Variants in ZNF208 observed in about 807,000 individuals in gnomAD.
ZNF208 encodes the protein zinc finger protein 95.
In ZNF208, 10 loss-of-function variants were observed where a neutral mutation model predicts 12.1. The observed-to-expected ratio is 0.83, with a 90% CI of 0.51 to 1.40. The LOEUF (loss-of-function observed/expected upper bound fraction) is 1.40. Ranked by LOEUF, ZNF208 falls within the 40% of genes most tolerant of loss-of-function variation. ZNF208 has a pLI of 0.00. For missense variants in ZNF208, 1,652 were observed against 1,485.0 expected (o/e 1.11, Z -1.85); for synonymous variants, 497 against 488.4 (o/e 1.02, Z -0.23).
At chr19:21,958,154 G>A (rs1970006523) in intron 4 of ZNF208, among the ~76,000 whole-genome samples, 2 of 147,102 alleles carry the variant, frequency 1.4e-5, no homozygotes, top group Admixed American at 1.4e-4. Context: ...CCTTAAAGAA[G>A]GAATTTTGTG....
chr19:21,980,612 C>G (rs1970520647), intron 3 of ZNF208, among the ~76,000 whole-genome samples: 1 of 151,988 alleles, frequency 6.6e-6, no homozygotes, highest in African/African-American at 2.4e-5. Context: ...CAAAAGAAAG[C>G]AAGACAGATC....
Position 21,953,334 on chromosome 19 carries a change from G to A in ZNF208, c.306-20097C>T, listed in dbSNP as rs367639034. Among the ~76,000 whole-genome samples, 63 of 152,162 alleles carry A rather than the reference G, an allele frequency of 4.1e-4. No homozygotes were observed. The East Asian group carries it at 4.3e-3, about 10-fold the overall frequency. On this transcript the variant is annotated intron_variant, in intron 4 of 4. Transcript: ENST00000599916. ...AGAGAATCCCACAAAGATATTCCTC[G>A]AGAAGAGCAACTCCAAGACACATAA...
At chr19:21,995,061 C>G (rs533785472) in intron 1 of ZNF208, among the ~76,000 whole-genome samples, 47 of 151,484 alleles carry the variant, frequency 3.1e-4, no homozygotes, top group Non-Finnish European at 6.3e-4. Context: ...AAGAGATTCT[C>G]CTGCCTCAGC....
At chr19:21,994,949 C>CTT (rs376025647) in intron 1 of ZNF208, among the ~76,000 whole-genome samples, 1 of 38,218 alleles carries the variant, frequency 2.6e-5, no homozygotes, top group African/African-American at 1.1e-4. Flanking sequence ...ATCTGTTTTT[C>CTT]TTTTCTTTTT....
chr19:21,979,618 G>A (rs921155053), intron 3 of ZNF208, among the ~76,000 whole-genome samples: 5 of 152,166 alleles, frequency 3.3e-5, no homozygotes, highest in African/African-American at 1.2e-4. Context: ...ACCAGCCACT[G>A]CAAAAACATA....
chr19:21,983,552 C>T (rs767226626), intron 3 of ZNF208, among the ~76,000 whole-genome samples: 47 of 152,118 alleles, frequency 3.1e-4, no homozygotes, highest in Admixed American at 6.5e-4. Flanking sequence ...CACATGAATA[C>T]ACATGTTTTT....
chr19:21,984,586 T>A (rs1199930689), intron 3 of ZNF208, among the ~76,000 whole-genome samples: 7 of 144,050 alleles, frequency 4.9e-5, no homozygotes, highest in African/African-American at 1.5e-4. Context: ...ACAAAAAAAA[T>A]ATATATGAAT....
At chr19:21,954,320 G>A (rs1351450119) in intron 4 of ZNF208, among the ~76,000 whole-genome samples, 1 of 152,154 alleles carries the variant, frequency 6.6e-6, no homozygotes. Flanking sequence ...CTTGATTTGG[G>A]GTAGAGAGTT....
intron 1 of ZNF208, among the ~76,000 whole-genome samples, chr19:21,993,942 T>A (rs2145573667): frequency 6.6e-6 from 1 of 152,364 alleles, no homozygotes; most frequent in African/African-American, 2.4e-5. Context: ...CAATAGGAAG[T>A]TACAGAGCAC....
chr19:21,957,065 A>T (rs927696177), intron 4 of ZNF208, among the ~76,000 whole-genome samples: 3 of 147,712 alleles, frequency 2.0e-5, no homozygotes, highest in Non-Finnish European at 1.5e-5. Flanking sequence ...CTTTTGAGAC[A>T]TAGTCTCACT....
chr19:21,971,979 G>A lies in ZNF208; in HGVS notation c.3055C>T (p.His1019Tyr), dbSNP rs1469214876. ...GTCTCTCCAGTGTGAATTTTCTTAT[G>A]TTCCATAAGGTTTGATGACCAGTTG... ...AFNWSSNLME[H>Y]KKIHTGETPY... The change falls in exon 4 of 4, where the codon CAT becomes TAT. Residue 1019 changes from histidine to tyrosine, a missense_variant. Around this residue, in one of 3 missense-constraint regions of ZNF208, gnomAD observed 1,239 missense variants for 1,086.2 expected, o/e 1.14. Coordinates refer to ENST00000397126, the MANE Select transcript of ZNF208 (RefSeq NM_007153.3). 1.2e-6 allele frequency: 2 copies of A among 1,612,854 alleles called. No homozygotes were observed. The highest frequency in any genetic ancestry group is 1.1e-5 in the South Asian group (1 of 91,008).
chr19:22,004,206 A>G (rs1165181461), intron 1 of ZNF208, among the ~76,000 whole-genome samples: 2 of 151,834 alleles, frequency 1.3e-5, no homozygotes, highest in Non-Finnish European at 2.9e-5. Context: ...TAAAAACTTT[A>G]TTAATAAACT....
At chr19:21,947,415 C>T (rs1172212051) in intron 4 of ZNF208, among the ~76,000 whole-genome samples, 1 of 152,118 alleles carries the variant, frequency 6.6e-6, no homozygotes, top group Non-Finnish European at 1.5e-5. Context: ...CTAACTTTTG[C>T]CTAAAAATAT....
chr19:21,983,192 C>T (rs1253509871), intron 3 of ZNF208, among the ~76,000 whole-genome samples: 1 of 151,612 alleles, frequency 6.6e-6, no homozygotes, highest in Non-Finnish European at 1.5e-5. Flanking sequence ...AAAAAGTAGG[C>T]AAAGGATATG....
At chr19:21,946,943 C>CT (rs3029009) in intron 4 of ZNF208, among the ~76,000 whole-genome samples, 6,749 of 148,664 alleles carry the variant, frequency 0.045, 484 homozygotes, top group African/African-American at 0.15. Context: ...AACTTCCAGT[C>CT]TTTTTTTTTT....
downstream of ZNF208, among the ~76,000 whole-genome samples, chr19:21,964,298 T>A (rs1447492273): frequency 6.6e-6 from 1 of 151,762 alleles, no homozygotes; most frequent in Non-Finnish European, 1.5e-5. Flanking sequence ...ACTTTAAATA[T>A]CATGAACAGT....
At chr19:22,008,014 A>T in intron 1 of ZNF208, among the ~76,000 whole-genome samples, 1 of 148,732 alleles carries the variant, frequency 6.7e-6, no homozygotes, top group African/African-American at 2.5e-5. Context: ...AAAAAAAAAA[A>T]AAAAAAAGGG....
chr19:22,009,829 T>C (rs930785039), intron 1 of ZNF208, among the ~76,000 whole-genome samples: 7 of 151,840 alleles, frequency 4.6e-5, no homozygotes, highest in Admixed American at 1.3e-4. Flanking sequence ...CTTAACACAC[T>C]ATAAACTGCC....
At chr19:22,003,230 T>TA (rs1179627273) in intron 1 of ZNF208, among the ~76,000 whole-genome samples, 1 of 152,062 alleles carries the variant, frequency 6.6e-6, no homozygotes, top group African/African-American at 2.4e-5. Context: ...GGATATATTT[T>TA]AAAAAACCCT....
Sources: allele counts gnomAD v4.1 joint callset (sites outside exome capture counted in the v4.1 genomes callset), GRCh38; gene constraint gnomAD v4.1.1; regional missense constraint gnomAD v4.1.1; transcripts MANE v1.5; gene names NCBI Gene and HGNC (gene_info 2026-07-23, HGNC 2026-07-21).